Variants in KIF4A observed in about 807,000 individuals in gnomAD.
KIF4A encodes chromosome-associated kinesin KIF4A.
In KIF4A, 7 loss-of-function variants were observed where a neutral mutation model predicts 105.9. That is an observed-to-expected ratio of 0.07 (90% CI 0.04 to 0.12). KIF4A has a LOEUF of 0.12. Among genes scored for constraint, KIF4A ranks in the 10% least tolerant of loss-of-function variants. The pLI is 1.00. For missense variants in KIF4A, 558 were observed against 929.2 expected (o/e 0.60, Z 5.19); for synonymous variants, 281 against 331.3 (o/e 0.85, Z 1.65).
At chrX:70,332,948 C>G (rs969960226) in intron 9 of KIF4A, among the ~76,000 whole-genome samples, 8 of 111,589 alleles carry the variant, frequency 7.2e-5, no homozygotes, top group African/African-American at 2.3e-4. Context: ...TCAGGCTTAT[C>G]TTTCTTAAGT....
At position 70,395,711 on chromosome X, in the gene KIF4A, A is replaced by G. The variant is rs142995994; in HGVS notation, c.2273A>G (p.Glu758Gly). ...GAAATTGAGGTTATGGTCAGTACTG[A>G]GGAAGCCAAACGCCATCTGAATGAC... ...GNEIEVMVST[E>G]EAKRHLNDLL... Residue 758 changes from glutamate (E) to glycine (G), a missense_variant, in exon 21 of 31, where the codon GAG (glutamate) becomes GGG (glycine). Physicochemically the swap from Glu to Gly is moderately conservative, Grantham distance 98. This residue lies in a region of KIF4A where 469 missense variants were observed against 680.4 expected (regional missense o/e 0.69). Transcript: ENST00000374403. The G allele has an allele frequency of 1.6e-5, 19 of 1,209,744 alleles. No homozygotes were observed. In the African/African-American group the frequency reaches 2.5e-4, roughly 16 times the overall value.
At chrX:70,406,051 GT>G (rs2086299030) in intron 26 of KIF4A, 146 bp downstream of exon 26, 1 of 532,857 alleles carries the variant, frequency 1.9e-6, no homozygotes, top group African/African-American at 2.4e-5. Context: ...GCATTTCAAA[GT>G]GGAATAAACA....
rs138444874 is a variant in KIF4A at position 70,318,173 on chromosome X, C to T, written c.779-11232C>T. 7.1e-3 allele frequency among the ~76,000 whole-genome samples: 800 copies of T among 111,966 alleles called. 13 individuals are homozygous for T. The highest frequency in any genetic ancestry group is 0.025 in the African/African-American group (765 of 30,840). ...GATTACCGGCATACACCACCATGCC[C>T]GGCCTCCCCTTGCTTTCTTGATAGC... On this transcript the variant is annotated intron_variant, in intron 7 of 30. Coordinates refer to ENST00000374403, the MANE Select transcript of KIF4A (RefSeq NM_012310.5).
At chrX:70,357,849 T>TA (rs1465208878) in intron 15 of KIF4A, among the ~76,000 whole-genome samples, 14 of 111,568 alleles carry the variant, frequency 1.3e-4, no homozygotes, top group African/African-American at 4.6e-4. Flanking sequence ...CCCCAGGTGT[T>TA]ACTTAATTTC....
chrX:70,393,036 G>A (rs2086243889), intron 20 of KIF4A, among the ~76,000 whole-genome samples: 1 of 107,839 alleles, frequency 9.3e-6, no homozygotes, highest in African/African-American at 3.4e-5. Context: ...TAAGGTCATT[G>A]ATTTCTTTCT....
At chrX:70,315,280 C>T (rs148898343) in intron 7 of KIF4A, among the ~76,000 whole-genome samples, 1,528 of 111,590 alleles carry the variant, frequency 0.014, 20 homozygotes, top group Non-Finnish European at 0.023. Flanking sequence ...TTATTTAATT[C>T]TCTTATGTTT....
At chrX:70,367,523 T>G (rs2147714895) in intron 15 of KIF4A, among the ~76,000 whole-genome samples, 1 of 111,824 alleles carries the variant, frequency 8.9e-6, no homozygotes, top group East Asian at 2.8e-4. Flanking sequence ...TTAGTTTGAC[T>G]GGATATGAAA....
intron 14 of KIF4A, among the ~76,000 whole-genome samples, chrX:70,352,885 A>G (rs1380618796): frequency 2.7e-5 from 3 of 111,848 alleles, no homozygotes; most frequent in Admixed American, 9.5e-5. Flanking sequence ...CAAGAATGTA[A>G]TGTTCCATAT....
At position 70,329,457 on chromosome X, in the gene KIF4A, T is replaced by G. The variant is rs138414247; in HGVS notation, c.831T>G (p.Leu277=). 2.4e-5 allele frequency: 29 copies of G among 1,209,406 alleles called. No individual in the cohort carries two copies. The African/African-American group carries it at 3.2e-4, about 13-fold the overall frequency. ...LLCLGNVISA[L]GDDKKGGFVP... ...GCTTGGGAAATGTAATCAGTGCTCT[T>G]GGAGATGACAAAAAGGGTGGCTTTG... is the stretch of plus-strand genomic sequence containing the variant. The change falls in exon 8 of 31, where the codon CTT becomes CTG. Residue 277 remains leucine (L), a synonymous_variant. Transcript: ENST00000374403.
chrX:70,415,180 G>A (rs5936558), intron 28 of KIF4A, among the ~76,000 whole-genome samples: 14,159 of 111,915 alleles, frequency 0.13, 768 homozygotes, highest in East Asian at 0.24. Context: ...GCACTATCAG[G>A]AGAATGGGTA....
intron 15 of KIF4A, among the ~76,000 whole-genome samples, chrX:70,369,512 C>T (rs991227990): frequency 3.6e-5 from 4 of 111,739 alleles, no homozygotes; most frequent in African/African-American, 1.3e-4. Context: ...AGTGGAATAG[C>T]CCCTTTGGAT....
intron 10 of KIF4A, among the ~76,000 whole-genome samples, chrX:70,334,186 G>A (rs1445862508): frequency 9.0e-6 from 1 of 110,689 alleles, no homozygotes; most frequent in Non-Finnish European, 1.9e-5. Flanking sequence ...TTCTTTTTTT[G>A]TTGATGGAAA....
chrX:70,352,396 C>T (rs1431312665), intron 13 of KIF4A, among the ~76,000 whole-genome samples: 1 of 111,773 alleles, frequency 8.9e-6, no homozygotes, highest in African/African-American at 3.3e-5. Context: ...ATAAGAGCTA[C>T]ACAATTGTCC....
At chrX:70,383,494 G>A (rs1230725465) in intron 18 of KIF4A, among the ~76,000 whole-genome samples, 1 of 111,989 alleles carries the variant, frequency 8.9e-6, no homozygotes, top group Admixed American at 9.5e-5. Context: ...AAATAAAAAC[G>A]TAGAGGTACC....
chrX:70,386,220 G>C (rs1602794313), intron 18 of KIF4A, among the ~76,000 whole-genome samples: 1 of 111,213 alleles, frequency 9.0e-6, no homozygotes. Context: ...TGGATGGACA[G>C]GTAGGGTTGA....
At chrX:70,299,460 G>C (rs142449555) in intron 5 of KIF4A, among the ~76,000 whole-genome samples, 197 of 110,914 alleles carry the variant, frequency 1.8e-3, no homozygotes, top group Middle Eastern at 0.014. Flanking sequence ...ATTATTTACA[G>C]AGTTCTAAGG....
At chrX:70,408,912 C>T (rs1424517341) in intron 28 of KIF4A, among the ~76,000 whole-genome samples, 9 of 112,259 alleles carry the variant, frequency 8.0e-5, no homozygotes, top group African/African-American at 2.9e-4. Flanking sequence ...GTTGCCCAGG[C>T]TGGAGTGCAA....
At chrX:70,291,762 G>A (rs2085762042) in intron 3 of KIF4A, among the ~76,000 whole-genome samples, 1 of 111,857 alleles carries the variant, frequency 8.9e-6, no homozygotes, top group Non-Finnish European at 1.9e-5. Flanking sequence ...TAGGTGAACT[G>A]CCAGTGTCTA....
intron 10 of KIF4A, among the ~76,000 whole-genome samples, chrX:70,338,954 G>A (rs1042111034): frequency 1.1e-4 from 12 of 109,252 alleles, no homozygotes; most frequent in Non-Finnish European, 1.9e-4. Context: ...GTGTGGTGGC[G>A]GGCATCTGTA....
Sources: allele counts gnomAD v4.1 joint callset (sites outside exome capture counted in the v4.1 genomes callset), GRCh38; gene constraint gnomAD v4.1.1; regional missense constraint gnomAD v4.1.1; transcripts MANE v1.5; gene names NCBI Gene and HGNC (gene_info 2026-07-23, HGNC 2026-07-21).